Variants in ATG4C observed in about 807,000 individuals in gnomAD.
ATG4C encodes the protein autophagy related 4C cysteine peptidase, also known as cysteine protease ATG4C.
In ATG4C, 56 loss-of-function variants were observed where a neutral mutation model predicts 57.6. The ratio of observed to expected loss-of-function variants is 0.97; its 90% CI spans 0.78 to 1.21. The LOEUF (loss-of-function observed/expected upper bound fraction) is 1.21. ATG4C is among the 50% of genes most tolerant of loss of function. The pLI, the probability that ATG4C is intolerant of heterozygous loss-of-function variation, is 0.00. For synonymous variants in ATG4C, 157 were observed against 174.1 expected, an observed-to-expected ratio of 0.90 and a Z score of 0.78; for missense variants, 595 against 529.8, an observed-to-expected ratio of 1.12 and a Z score of -1.21.
chr1:62,798,701 G>A (rs2100288608), intron 1 of ATG4C, among the ~76,000 whole-genome samples: 1 of 151,908 alleles, frequency 6.6e-6, no homozygotes, highest in Admixed American at 6.5e-5. Context: ...CTGGAGTGCA[G>A]TGGCACAGTC....
chr1:62,806,709 C>G (rs1219678106), intron 3 of ATG4C, among the ~76,000 whole-genome samples: 1 of 152,070 alleles, frequency 6.6e-6, no homozygotes, highest in African/African-American at 2.4e-5. Flanking sequence ...GGCTGTATGT[C>G]CATTGAGAGG....
chr1:62,842,262 T>C (rs1666193249), intron 10 of ATG4C, among the ~76,000 whole-genome samples: 1 of 152,064 alleles, frequency 6.6e-6, no homozygotes, highest in Admixed American at 6.6e-5. Context: ...TAGGCTATCA[T>C]TTTATGGTAT....
Position 62,803,868 on chromosome 1 carries a change from T to C in ATG4C, c.76+6T>C. 6.6e-7 allele frequency: 1 copy of C among 1,515,912 alleles called. No homozygotes were observed. The allele number at this position is 1,515,912 out of a possible 1,614,324, so 93.9% of individuals were successfully genotyped here. A position where few individuals can be genotyped will look rare whatever the true frequency, so the allele number is the denominator to read the frequency against. ...TTGGAACAACATGAAATATAGTAAGTATCATGTTTTAAAAATTGTATAAAT... is the reference window on the plus strand; with the variant it reads ...TTGGAACAACATGAAATATAGTAAGCATCATGTTTTAAAAATTGTATAAAT... On this transcript the variant is annotated splice_donor_region_variant and intron_variant, in intron 2 of 10. Coordinates refer to ENST00000317868, the MANE Select transcript of ATG4C (RefSeq NM_032852.4).
chr1:62,801,374 A>C (rs923414424), intron 1 of ATG4C, among the ~76,000 whole-genome samples: 1 of 152,048 alleles, frequency 6.6e-6, no homozygotes, highest in Non-Finnish European at 1.5e-5. Context: ...TCCCGAGAAT[A>C]TATCTAGAGT....
intron 10 of ATG4C, among the ~76,000 whole-genome samples, chr1:62,846,943 G>A (rs1440221208): frequency 3.3e-5 from 5 of 152,152 alleles, no homozygotes; most frequent in Admixed American, 2.6e-4. Flanking sequence ...TTGGGAGGTC[G>A]AGGTGGCCAG....
At chr1:62,792,438 T>C (rs988721373) in intron 1 of ATG4C, among the ~76,000 whole-genome samples, 12 of 152,346 alleles carry the variant, frequency 7.9e-5, no homozygotes, top group Admixed American at 3.9e-4. Flanking sequence ...TTAGGAGGTA[T>C]GTCTTTAAAT....
chr1:62,785,990 C>T (rs951024897), intron 1 of ATG4C, among the ~76,000 whole-genome samples: 1 of 152,120 alleles, frequency 6.6e-6, no homozygotes, highest in African/African-American at 2.4e-5. Flanking sequence ...ACTATTGTCA[C>T]AAAATCACCA....
chr1:62,804,403 T>A (rs1251270195), intron 2 of ATG4C, among the ~76,000 whole-genome samples: 1 of 152,118 alleles, frequency 6.6e-6, no homozygotes, highest in Non-Finnish European at 1.5e-5. Flanking sequence ...TTTCCTTTTT[T>A]TTTAAGTTGC....
In ATG4C at chr1:62,819,514, A is replaced by G. The variant is rs1415243121; in HGVS notation, c.725+179A>G. Reference sequence around the variant, plus strand: ...GAAGACATATTGCGACTCTAGTTACATTTAATTTATTTACTGACAAATTTT... The same window carrying G: ...GAAGACATATTGCGACTCTAGTTACGTTTAATTTATTTACTGACAAATTTT... On this transcript the variant is annotated intron_variant, in intron 5 of 10. Coordinates refer to ENST00000317868, the MANE Select transcript of ATG4C (RefSeq NM_032852.4). Among the ~76,000 whole-genome samples the G allele has an allele frequency of 3.3e-5, 5 of 152,180 alleles. No homozygotes were observed. The East Asian group carries it at 5.8e-4, about 18-fold the overall frequency.
chr1:62,851,951 A>G (rs1167998558), intron 10 of ATG4C, among the ~76,000 whole-genome samples: 5 of 152,224 alleles, frequency 3.3e-5, no homozygotes, highest in Non-Finnish European at 7.3e-5. Context: ...ACCACCACAC[A>G]GTTCCAGAAC....
chr1:62,825,595 C>CT (rs1343094149), intron 6 of ATG4C, among the ~76,000 whole-genome samples: 1 of 152,068 alleles, frequency 6.6e-6, no homozygotes, highest in African/African-American at 2.4e-5. Context: ...AGTCTTGTGG[C>CT]TTTATAATGC....
chr1:62,836,730 T>A (rs1252674176), intron 9 of ATG4C, among the ~76,000 whole-genome samples: 1 of 152,110 alleles, frequency 6.6e-6, no homozygotes, highest in Non-Finnish European at 1.5e-5. Context: ...CTTCAATTAT[T>A]AAAATCATTT....
At chr1:62,790,148 C>T (rs1664227930) in intron 1 of ATG4C, among the ~76,000 whole-genome samples, 1 of 152,158 alleles carries the variant, frequency 6.6e-6, no homozygotes, top group East Asian at 1.9e-4. Flanking sequence ...TCCGGACCTC[C>T]GGTAATCCAC....
chr1:62,787,534 A>C (rs1055224114), intron 1 of ATG4C, among the ~76,000 whole-genome samples: 5 of 152,140 alleles, frequency 3.3e-5, no homozygotes, highest in African/African-American at 1.2e-4. Context: ...CATTCATGTA[A>C]TTTTTGATAG....
At chr1:62,802,202 C>T (rs1403459579) in intron 1 of ATG4C, among the ~76,000 whole-genome samples, 4 of 151,918 alleles carry the variant, frequency 2.6e-5, no homozygotes, top group Non-Finnish European at 5.9e-5. Flanking sequence ...CATTGTATCA[C>T]CAAGACTTAC....
At chr1:62,809,428 T>C (rs1664993211) in intron 3 of ATG4C, among the ~76,000 whole-genome samples, 1 of 147,824 alleles carries the variant, frequency 6.8e-6, no homozygotes, top group African/African-American at 2.5e-5. Context: ...AACACACATA[T>C]ATTTAAAAAT....
chr1:62,834,166 A>G, intron 8 of ATG4C, 50 bp downstream of exon 8: 1 of 1,551,830 alleles, frequency 6.4e-7, no homozygotes, highest in South Asian at 1.1e-5. Context: ...TTTAAAAGTC[A>G]GAAAGTTAAT....
intron 1 of ATG4C, among the ~76,000 whole-genome samples, chr1:62,785,983 A>C (rs1411325944): frequency 1.3e-5 from 2 of 152,178 alleles, no homozygotes; most frequent in African/African-American, 2.4e-5. Context: ...CTATTTAACT[A>C]TTGTCACAAA....
chr1:62,795,052 C>G (rs1332479092), intron 1 of ATG4C, among the ~76,000 whole-genome samples: 1 of 152,206 alleles, frequency 6.6e-6, no homozygotes, highest in Non-Finnish European at 1.5e-5. Context: ...TATATTTCAT[C>G]TAGCAGCAGA....
Sources: gnomAD v4.1 joint callset for allele counts (sites outside exome capture counted in the v4.1 genomes callset) on GRCh38, gnomAD v4.1.1 for gene constraint, MANE v1.5 for transcripts, NCBI Gene and HGNC (gene_info 2026-07-23, HGNC 2026-07-21) for gene names.